ADCY8: variants seen among roughly 807,000 people sequenced by gnomAD.
The protein encoded by ADCY8 is adenylate cyclase 8.
A neutral mutation model predicts 119.7 loss-of-function variants in ADCY8; 51 were observed. The observed-to-expected ratio is 0.43, with a 90% CI of 0.34 to 0.54. ADCY8 has a LOEUF of 0.54. Ranked by LOEUF, ADCY8 falls within the 20% of genes least tolerant of loss-of-function variation. ADCY8 has a pLI of 0.03. For synonymous variants in ADCY8, 665 were observed against 651.0 expected, an observed-to-expected ratio of 1.02 and a Z score of -0.33; for missense variants, 1,383 against 1,598.8, an observed-to-expected ratio of 0.87 and a Z score of 2.30.
At chr8:130,838,508 C>CAAGAGTTT (rs1554605337) in intron 11 of ADCY8, among the ~76,000 whole-genome samples, 2 of 96,152 alleles carry the variant, frequency 2.1e-5, no homozygotes, top group Admixed American at 2.2e-4. Context: ...TCCAGAGAAA[C>CAAGAGTTT]TCTAAGGCCC....
intron 9 of ADCY8, among the ~76,000 whole-genome samples, chr8:130,856,206 TC>T (rs1817726627): frequency 6.6e-6 from 1 of 151,916 alleles, no homozygotes; most frequent in Admixed American, 6.6e-5. Flanking sequence ...ACACATCGAA[TC>T]CCAGCTTACA....
At chr8:130,976,062 G>A (rs11776888) in intron 2 of ADCY8, among the ~76,000 whole-genome samples, 35,879 of 152,070 alleles carry the variant, frequency 0.24, 5,769 homozygotes, top group African/African-American at 0.46. Flanking sequence ...GCAAATGGTG[G>A]TGTGGAAAAG....
chr8:130,881,476 C>T (rs185169292), intron 8 of ADCY8, among the ~76,000 whole-genome samples: 35 of 152,156 alleles, frequency 2.3e-4, no homozygotes, highest in African/African-American at 5.3e-4. Flanking sequence ...ATTGTTCAAA[C>T]GGAATAAAGC....
chr8:130,861,079 T>C (rs1361453463), intron 9 of ADCY8, among the ~76,000 whole-genome samples: 8 of 152,254 alleles, frequency 5.3e-5, no homozygotes, highest in Non-Finnish European at 1.0e-4. Flanking sequence ...GTGTTTATTC[T>C]TTCTTTAGCA....
At chr8:130,803,140 C>G (rs1285230010) in intron 14 of ADCY8, among the ~76,000 whole-genome samples, 1 of 152,214 alleles carries the variant, frequency 6.6e-6, no homozygotes, top group Non-Finnish European at 1.5e-5. Context: ...GACACAAACC[C>G]TGTTCTATTT....
chr8:130,812,848 C>T (rs747033116), intron 14 of ADCY8, among the ~76,000 whole-genome samples: 1 of 152,012 alleles, frequency 6.6e-6, no homozygotes, highest in African/African-American at 2.4e-5. Flanking sequence ...ACACATGTAT[C>T]ACACATATAT....
intron 2 of ADCY8, among the ~76,000 whole-genome samples, chr8:130,970,439 T>C (rs1821890411): frequency 1.3e-5 from 2 of 152,212 alleles, no homozygotes; most frequent in African/African-American, 4.8e-5. Flanking sequence ...ACCCCCAAGA[T>C]GGGACTGTCT....
At chr8:130,908,284 A>AT (rs1406115563) in intron 6 of ADCY8, among the ~76,000 whole-genome samples, 3 of 152,222 alleles carry the variant, frequency 2.0e-5, no homozygotes, top group African/African-American at 7.2e-5. Context: ...TGCTTTTAAG[A>AT]TACAGGCCTG....
intron 15 of ADCY8, among the ~76,000 whole-genome samples, chr8:130,787,349 T>C (rs1027019265): frequency 6.6e-6 from 1 of 152,152 alleles, no homozygotes; most frequent in Non-Finnish European, 1.5e-5. Context: ...ATATTGGTGG[T>C]GATAGAATCA....
chr8:130,821,599 C>T (rs1020160937), intron 12 of ADCY8, among the ~76,000 whole-genome samples, 179 bp from the exon 13 acceptor site: 4 of 152,080 alleles, frequency 2.6e-5, no homozygotes, highest in African/African-American at 9.7e-5. Context: ...ATCAATTGAC[C>T]CCCAAGGGTA....
intron 2 of ADCY8, among the ~76,000 whole-genome samples, chr8:130,976,427 G>A (rs1456151343): frequency 1.3e-5 from 2 of 152,120 alleles, no homozygotes; most frequent in Non-Finnish European, 2.9e-5. Flanking sequence ...GACAGATAAA[G>A]CAAATTATTG....
At chr8:130,894,190 T>C (rs1446442867) in intron 7 of ADCY8, among the ~76,000 whole-genome samples, 1 of 152,200 alleles carries the variant, frequency 6.6e-6, no homozygotes, top group African/African-American at 2.4e-5. Flanking sequence ...CAGCATCTCT[T>C]ACTTTTCACC....
At chr8:130,959,481 A>G (rs1166128305) in intron 2 of ADCY8, among the ~76,000 whole-genome samples, 1 of 152,258 alleles carries the variant, frequency 6.6e-6, no homozygotes, top group Non-Finnish European at 1.5e-5. Flanking sequence ...AGTGCCAAGC[A>G]CAGCAATAGA....
At chr8:130,923,914 A>C (rs1373885774) in intron 5 of ADCY8, among the ~76,000 whole-genome samples, 1 of 152,178 alleles carries the variant, frequency 6.6e-6, no homozygotes, top group African/African-American at 2.4e-5. Context: ...AGGGCTTATT[A>C]TCTTGTTATT....
intron 9 of ADCY8, among the ~76,000 whole-genome samples, chr8:130,859,275 C>T (rs1043963500): frequency 1.3e-5 from 2 of 152,216 alleles, no homozygotes; most frequent in African/African-American, 2.4e-5. Context: ...GTCTCCAACT[C>T]TAATCCATTA....
At chr8:130,963,496 C>T (rs940680717) in intron 2 of ADCY8, among the ~76,000 whole-genome samples, 9 of 152,142 alleles carry the variant, frequency 5.9e-5, no homozygotes, top group Admixed American at 1.3e-4. Flanking sequence ...ATGTATTCAA[C>T]AAATTTTTTA....
chr8:130,850,462 T>C (rs532509863), intron 9 of ADCY8, among the ~76,000 whole-genome samples: 3 of 152,268 alleles, frequency 2.0e-5, no homozygotes, highest in African/African-American at 7.2e-5. Context: ...AAACTCCATC[T>C]CTGGAGGCAT....
In ADCY8 at chr8:130,951,952, A is replaced by G; in HGVS notation, c.1157T>C (p.Met386Thr). 1 of 1,614,062 alleles carries G rather than the reference A, an allele frequency of 6.2e-7. No homozygotes were observed. The highest frequency in any genetic ancestry group is 8.5e-7 in the Non-Finnish European group (1 of 1,179,988). The stretch of plus-strand genomic sequence containing the variant: ...TTCCACATTGGTCATGTCGTTGATC[A>G]TTTCCAGGACAACAAACCGGGGGAG... The part of the protein sequence containing the change: ...SVLPRFVVLE[M>T]INDMTNVEDE... The change falls in exon 3 of 18, where the codon ATG (methionine) becomes ACG (threonine). Residue 386 changes from methionine to threonine, a missense_variant. By Grantham distance (81) the Met-to-Thr change is moderately conservative. Around this residue, in one of 2 missense-constraint regions of ADCY8, gnomAD observed 928 missense variants for 1,163.5 expected, o/e 0.80. Transcript: ENST00000286355.
intron 1 of ADCY8, among the ~76,000 whole-genome samples, chr8:131,014,286 G>A (rs1293208362): frequency 2.0e-5 from 3 of 152,040 alleles, no homozygotes; most frequent in South Asian, 2.1e-4. Flanking sequence ...ATGTTCTTCC[G>A]AAATTTATGT....
Sources: allele counts gnomAD v4.1 joint callset (sites outside exome capture counted in the v4.1 genomes callset), GRCh38; gene constraint gnomAD v4.1.1; regional missense constraint gnomAD v4.1.1; transcripts MANE v1.5; gene names NCBI Gene and HGNC (gene_info 2026-07-23, HGNC 2026-07-21).